PER3: variants seen among roughly 807,000 people sequenced by gnomAD.
The protein encoded by PER3 is period circadian regulator 3.
A neutral mutation model predicts 127.2 loss-of-function variants in PER3; 107 were observed. That is an observed-to-expected ratio of 0.84 (90% CI 0.72 to 0.99). The LOEUF is 0.99. Among genes scored for constraint, PER3 ranks in the 50% least tolerant of loss-of-function variants. PER3 has a pLI of 0.00. For synonymous variants in PER3, 618 were observed against 585.8 expected, an observed-to-expected ratio of 1.05 and a Z score of -0.79; for missense variants, 1,560 against 1,525.8, an observed-to-expected ratio of 1.02 and a Z score of -0.37.
Position 7,784,727 on chromosome 1 carries a change from T to A in PER3, c.-151T>A, listed in dbSNP as rs2097076825. On this transcript the variant is annotated 5_prime_UTR_variant, in exon 2 of 22. Coordinates refer to ENST00000377532, the MANE Select transcript of PER3 (RefSeq NM_001377275.1). ...GGGAAAAGCTCCTCGGAGATGAGCG[T>A]GACCCCCTGGCTCGTGGTGGCCGCC... 2 of 729,784 alleles carry A rather than the reference T, an allele frequency of 2.7e-6. No individual in the cohort carries two copies. Among genetic ancestry groups the A allele is most frequent in the Non-Finnish European group, 4.0e-6 (2 of 497,904 alleles). The allele number at this position is 729,784 out of a possible 1,614,324, so 45.2% of individuals were successfully genotyped here. A position where few individuals can be genotyped will look rare whatever the true frequency, so the allele number is the denominator to read the frequency against.
intron 3 of PER3, among the ~76,000 whole-genome samples, chr1:7,785,869 C>A (rs1435721490): frequency 6.6e-6 from 1 of 152,154 alleles, no homozygotes; most frequent in Non-Finnish European, 1.5e-5. Context: ...TGAAGGCTGA[C>A]CTTTTAAAGA....
At chr1:7,830,214 TG>T in intron 19 of PER3, 53 bp downstream of exon 19, 1 of 1,463,780 alleles carries the variant, frequency 6.8e-7, no homozygotes, top group Non-Finnish European at 9.5e-7. Context: ...ACATTCACTA[TG>T]TGCTGAGCTC....
chr1:7,839,209 A>G (rs1033288121), intron 21 of PER3, among the ~76,000 whole-genome samples: 6 of 152,220 alleles, frequency 3.9e-5, no homozygotes, highest in African/African-American at 1.2e-4. Context: ...ATAACCTACA[A>G]AAACTCGCTT....
intron 5 of PER3, among the ~76,000 whole-genome samples, chr1:7,789,139 A>AT (rs1380781141): frequency 7.6e-5 from 6 of 79,452 alleles, no homozygotes; most frequent in African/African-American, 3.0e-4. Context: ...AAGAGCTTTA[A>AT]AATATATATA....
rs897687750 is a variant in PER3, at chr1:7,786,147, C to T, written c.274+561C>T. Among the ~76,000 whole-genome samples the T allele has an allele frequency of 3.9e-5, 6 of 152,062 alleles. No homozygotes were observed. The South Asian group carries it at 6.2e-4, about 16-fold the overall frequency. ...GGCGGGCGCCTGTAGTCCAGCTATT[C>T]GGGAGGCTGAGACAGGAGAACGGCG... On this transcript the variant is annotated intron_variant, in intron 3 of 21. Coordinates refer to ENST00000377532, the MANE Select transcript of PER3 (RefSeq NM_001377275.1).
chr1:7,821,762 A>G (rs1558448998), intron 16 of PER3, among the ~76,000 whole-genome samples: 1 of 152,212 alleles, frequency 6.6e-6, no homozygotes, highest in Non-Finnish European at 1.5e-5. Context: ...CTCAACATTT[A>G]CAGGGCCACA....
chr1:7,787,773 T>A (rs535750061), intron 4 of PER3: 5 of 450,730 alleles, frequency 1.1e-5, no homozygotes, highest in Non-Finnish European at 2.0e-5. Context: ...TGCAGAGAAG[T>A]TATGTGCCAT....
At chr1:7,827,875 G>GT in intron 18 of PER3, 60 bp downstream of exon 18, 1 of 1,381,772 alleles carries the variant, frequency 7.2e-7, no homozygotes, top group South Asian at 1.3e-5. Flanking sequence ...TAAAGTTAAG[G>GT]TGGTTGCGTT....
At chr1:7,840,632 C>CT (rs1356980312) in intron 21 of PER3, among the ~76,000 whole-genome samples, 1 of 144,484 alleles carries the variant, frequency 6.9e-6, no homozygotes, top group Non-Finnish European at 1.5e-5. Flanking sequence ...CTTTTTCTTT[C>CT]TTTTTTTTAA....
chr1:7,838,152 A>C (rs1173830793), intron 21 of PER3, among the ~76,000 whole-genome samples: 1 of 152,174 alleles, frequency 6.6e-6, no homozygotes, highest in East Asian at 1.9e-4. Context: ...TAAGCAAGAC[A>C]ATGAAATCCT....
At chr1:7,787,651 A>G (rs1461802564) in intron 4 of PER3, 1 of 315,368 alleles carries the variant, frequency 3.2e-6, no homozygotes, top group Non-Finnish European at 6.1e-6. Context: ...TGCTTATGTA[A>G]TGAGGTTTGT....
At chr1:7,819,082 G>A (rs1282119760) in intron 13 of PER3, among the ~76,000 whole-genome samples, 1 of 152,140 alleles carries the variant, frequency 6.6e-6, no homozygotes, top group Non-Finnish European at 1.5e-5. Context: ...TGTGTAATGT[G>A]CTCTGCACCT....
rs1339933088 is a variant in PER3 at position 7,820,656 on chromosome 1, C to A, written c.1957+16C>A. The A allele has an allele frequency of 6.3e-7, 1 of 1,580,952 alleles. No homozygotes were observed. Among genetic ancestry groups the A allele is most frequent in the African/African-American group, 1.4e-5 (1 of 73,774 alleles). On this transcript the variant is annotated intron_variant, in intron 16 of 21. Coordinates refer to ENST00000377532, the MANE Select transcript of PER3 (RefSeq NM_001377275.1). ...CCAGAGACAGGTACCACACTCGCCT[C>A]TTACTTTGAAAATATACTCAACTTT...
chr1:7,822,702 A>G (rs988695240), intron 16 of PER3, among the ~76,000 whole-genome samples: 4 of 152,232 alleles, frequency 2.6e-5, no homozygotes, highest in African/African-American at 9.6e-5. Flanking sequence ...ACCAAATAAG[A>G]TAATAGCTCT....
At chr1:7,801,270 A>G (rs1268544681) in intron 8 of PER3, 79 bp downstream of exon 8, 5 of 793,326 alleles carry the variant, frequency 6.3e-6, no homozygotes, top group South Asian at 1.6e-5. Flanking sequence ...TTATGTTTGC[A>G]TGTTTATACA....
chr1:7,799,177 A>G (rs945198144), intron 7 of PER3, among the ~76,000 whole-genome samples: 1 of 152,210 alleles, frequency 6.6e-6, no homozygotes, highest in Non-Finnish European at 1.5e-5. Flanking sequence ...AAAATGACAT[A>G]TGCTTTCCTG....
intron 21 of PER3, among the ~76,000 whole-genome samples, chr1:7,842,209 A>G (rs2097393678): frequency 6.6e-6 from 1 of 152,170 alleles, no homozygotes; most frequent in South Asian, 2.1e-4. Context: ...GCCTTTTAAT[A>G]ATAAAGAATG....
At chr1:7,788,365 T>C (rs915420602) in intron 5 of PER3, 119 bp downstream of exon 5, 1 of 712,638 alleles carries the variant, frequency 1.4e-6, no homozygotes, top group Non-Finnish European at 2.4e-6. Flanking sequence ...GTTTTTCTTA[T>C]TCCTGTTATA....
intron 6 of PER3, among the ~76,000 whole-genome samples, chr1:7,797,630 C>T (rs980480860): frequency 1.1e-4 from 16 of 145,384 alleles, no homozygotes; most frequent in Admixed American, 1.4e-4. Context: ...AGCGAGACTC[C>T]GTCTTTAAAA....
Sources: allele counts gnomAD v4.1 joint callset (sites outside exome capture counted in the v4.1 genomes callset), GRCh38; gene constraint gnomAD v4.1.1; transcripts MANE v1.5; gene names NCBI Gene and HGNC (gene_info 2026-07-23, HGNC 2026-07-21).